Variants in TBC1D5 observed in about 807,000 individuals in gnomAD.
TBC1D5 encodes the protein TBC1 domain family member 5.
A neutral mutation model predicts 100.3 loss-of-function variants in TBC1D5; 75 were observed. The ratio of observed to expected loss-of-function variants is 0.75; its 90% CI spans 0.62 to 0.91. The LOEUF is 0.91. Among genes scored for constraint, TBC1D5 ranks in the 40% least tolerant of loss-of-function variants. The pLI is 0.00. For missense variants in TBC1D5, 910 were observed against 942.4 expected (o/e 0.97, Z 0.45); for synonymous variants, 323 against 325.6 (o/e 0.99, Z 0.09).
intron 1 of TBC1D5, among the ~76,000 whole-genome samples, chr3:17,634,748 A>T (rs189610977): frequency 1.1e-4 from 16 of 152,344 alleles, no homozygotes; most frequent in Admixed American, 8.5e-4. Context: ...GATTGTTAAC[A>T]CAAATGATAA....
chr3:17,317,466 C>G (rs1265604054), intron 13 of TBC1D5, among the ~76,000 whole-genome samples: 1 of 152,048 alleles, frequency 6.6e-6, no homozygotes, highest in East Asian at 1.9e-4. Context: ...AAGTCCAGCT[C>G]AAAATGACAT....
chr3:17,455,320 A>G (rs1301488168), intron 3 of TBC1D5, among the ~76,000 whole-genome samples: 1 of 137,534 alleles, frequency 7.3e-6, no homozygotes, highest in Non-Finnish European at 1.5e-5. Flanking sequence ...AAATATGTGT[A>G]TATGTGTATA....
intron 14 of TBC1D5, among the ~76,000 whole-genome samples, chr3:17,298,606 T>G (rs1254693913): frequency 1.3e-5 from 2 of 152,156 alleles, no homozygotes; most frequent in African/African-American, 4.8e-5. Context: ...AGGTCTTACT[T>G]GTATATGAGG....
At chr3:17,539,626 T>A (rs1205610265) in intron 2 of TBC1D5, among the ~76,000 whole-genome samples, 1 of 152,184 alleles carries the variant, frequency 6.6e-6, no homozygotes, top group Admixed American at 6.5e-5. Context: ...GTGCCTGAAT[T>A]CCAAAGACAG....
intron 13 of TBC1D5, among the ~76,000 whole-genome samples, chr3:17,314,379 C>T (rs2084408017): frequency 6.6e-6 from 1 of 152,142 alleles, no homozygotes; most frequent in Non-Finnish European, 1.5e-5. Context: ...CTGGGCTTCC[C>T]CTATCTCTCT....
intron 13 of TBC1D5, among the ~76,000 whole-genome samples, chr3:17,345,141 A>G (rs1172019223): frequency 4.0e-5 from 6 of 151,384 alleles, no homozygotes; most frequent in Non-Finnish European, 8.9e-5. Flanking sequence ...CAACCTACAA[A>G]ATGGGAGAAA....
intron 3 of TBC1D5, among the ~76,000 whole-genome samples, chr3:17,485,948 C>G (rs201598930): frequency 6.6e-6 from 1 of 151,836 alleles, no homozygotes; most frequent in East Asian, 1.9e-4. Flanking sequence ...ACTAGTTTAC[C>G]GTCCCACCAA....
intron 2 of TBC1D5, among the ~76,000 whole-genome samples, chr3:17,614,363 A>G (rs1220880045): frequency 2.0e-5 from 3 of 152,158 alleles, no homozygotes; most frequent in Non-Finnish European, 2.9e-5. Flanking sequence ...TTGTCTTCGC[A>G]ATGCGGGCTC....
At chr3:17,455,208 ATGTATACATATATATTATATAT>A (rs965599590) in intron 3 of TBC1D5, among the ~76,000 whole-genome samples, 2 of 144,558 alleles carry the variant, frequency 1.4e-5, no homozygotes, top group Non-Finnish European at 3.0e-5. Context: ...ATATGTATAT[ATGTATACATATATATTATATAT>A]TGTATACATA....
At chr3:17,457,747 T>G (rs572991970) in intron 3 of TBC1D5, among the ~76,000 whole-genome samples, 1 of 152,294 alleles carries the variant, frequency 6.6e-6, no homozygotes, top group East Asian at 1.9e-4. Flanking sequence ...TTGTTTAAAT[T>G]CTCATGTATT....
chr3:17,495,991 A>T (rs184405601), intron 3 of TBC1D5, among the ~76,000 whole-genome samples: 3 of 152,290 alleles, frequency 2.0e-5, no homozygotes, highest in East Asian at 3.9e-4. Context: ...CTTTCCATGT[A>T]CTGGTAAGTA....
At chr3:17,466,872 G>A (rs1337736092) in intron 3 of TBC1D5, among the ~76,000 whole-genome samples, 1 of 151,634 alleles carries the variant, frequency 6.6e-6, no homozygotes, top group African/African-American at 2.4e-5. Flanking sequence ...AATCAGGATT[G>A]GAAACTTTAT....
At chr3:17,735,322 AG>A (rs2076879652) in intron 1 of TBC1D5, among the ~76,000 whole-genome samples, 1 of 152,238 alleles carries the variant, frequency 6.6e-6, no homozygotes, top group Non-Finnish European at 1.5e-5. Context: ...GGCCACTAAA[AG>A]TTACGTAGAA....
chr3:17,470,025 C>A (rs1420177863), intron 3 of TBC1D5, among the ~76,000 whole-genome samples: 2 of 152,092 alleles, frequency 1.3e-5, no homozygotes, highest in Non-Finnish European at 2.9e-5. Flanking sequence ...CTGTGTCACT[C>A]AGTCACTTAT....
intron 8 of TBC1D5, among the ~76,000 whole-genome samples, chr3:17,392,678 T>C (rs1018355089): frequency 2.0e-5 from 3 of 152,174 alleles, no homozygotes; most frequent in Non-Finnish European, 4.4e-5. Flanking sequence ...TCCATGTCCC[T>C]GCAAAGGACA....
At chr3:17,289,394 T>G (rs565203357) in intron 15 of TBC1D5, among the ~76,000 whole-genome samples, 13 of 151,382 alleles carry the variant, frequency 8.6e-5, no homozygotes, top group Admixed American at 8.5e-4. Flanking sequence ...GCTGGCAGAG[T>G]GACTGAGAGA....
At chr3:17,323,296 A>G (rs1202229435) in intron 13 of TBC1D5, among the ~76,000 whole-genome samples, 1 of 152,242 alleles carries the variant, frequency 6.6e-6, no homozygotes, top group African/African-American at 2.4e-5. Flanking sequence ...CCAAAACCTC[A>G]CAAAGACACT....
chr3:17,238,240 G>A (rs769822439), exon 17 of TBC1D5: 1 of 1,613,980 alleles, frequency 6.2e-7, no homozygotes, highest in South Asian at 1.1e-5. Context: ...GTGATGGCTT[G>A]GGGCCTCTGC....
intron 13 of TBC1D5, among the ~76,000 whole-genome samples, chr3:17,352,906 A>G (rs928654788): frequency 3.3e-5 from 5 of 152,106 alleles, no homozygotes; most frequent in Admixed American, 6.6e-5. Context: ...TGTGCCCAGC[A>G]ATATATCAAA....
Sources: gnomAD v4.1 joint callset for allele counts (sites outside exome capture counted in the v4.1 genomes callset) on GRCh38, gnomAD v4.1.1 for gene constraint, MANE v1.5 for transcripts, NCBI Gene and HGNC (gene_info 2026-07-23, HGNC 2026-07-21) for gene names.